Variants in CFAP52 observed in about 807,000 individuals in gnomAD.
The protein encoded by CFAP52 is cilia and flagella associated protein 52, also known as cilia- and flagella-associated protein 52.
In CFAP52, 57 loss-of-function variants were observed where a neutral mutation model predicts 70.5. The observed-to-expected ratio is 0.81, with a 90% CI of 0.65 to 1.01. The LOEUF (loss-of-function observed/expected upper bound fraction) is 1.01. CFAP52 is among the 50% of genes least tolerant of loss of function. CFAP52 has a pLI of 0.00. For synonymous variants in CFAP52, 267 were observed against 292.5 expected (o/e 0.91, Z 0.89); for missense variants, 785 against 788.5 (o/e 1.00, Z 0.05).
intron 1 of CFAP52, among the ~76,000 whole-genome samples, chr17:9,577,409 C>T (rs1908011128): frequency 6.6e-6 from 1 of 152,192 alleles, no homozygotes; most frequent in Non-Finnish European, 1.5e-5. Flanking sequence ...TTATTTGTGA[C>T]TGCCTATTGT....
chr17:9,638,686 T>C lies in CFAP52; in HGVS notation c.1550T>C (p.Ile517Thr). 1 of 1,614,098 alleles carries C rather than the reference T, an allele frequency of 6.2e-7. No homozygotes were observed. Among genetic ancestry groups the C allele is most frequent in the Non-Finnish European group, 8.5e-7 (1 of 1,180,030 alleles). Residue 517 changes from isoleucine to threonine, a missense_variant, in exon 12 of 14, where the codon ATC becomes ACC. Physicochemically the swap from Ile to Thr is moderately conservative, Grantham distance 89 (BLOSUM62 -1). Coordinates refer to ENST00000352665, the MANE Select transcript of CFAP52 (RefSeq NM_145054.5). ...TGCTATCACCCTGAGGAGTTCCAGA[T>C]CATCACCAGCGGAACAGACAGAAAG... ...CVCYHPEEFQ[I>T]ITSGTDRKIA... is the part of the protein sequence containing the mutation.
intron 6 of CFAP52, among the ~76,000 whole-genome samples, chr17:9,607,418 A>G (rs911800808): frequency 6.6e-6 from 1 of 152,244 alleles, no homozygotes; most frequent in African/African-American, 2.4e-5. Flanking sequence ...AGAACTTCAC[A>G]GTGGATACTA....
At chr17:9,603,353 C>T (rs1289800031) in intron 6 of CFAP52, among the ~76,000 whole-genome samples, 1 of 152,124 alleles carries the variant, frequency 6.6e-6, no homozygotes, top group Admixed American at 6.6e-5. Flanking sequence ...GGACTACAGG[C>T]GCCTACCACC....
intron 6 of CFAP52, among the ~76,000 whole-genome samples, chr17:9,606,441 T>C (rs1346727110): frequency 6.6e-6 from 1 of 152,100 alleles, no homozygotes; most frequent in Non-Finnish European, 1.5e-5. Context: ...TGTCAATAAA[T>C]GCTGATGTGT....
rs1298054870 is a variant in CFAP52 at position 9,629,624 on chromosome 17, T to C, written c.1174+804T>C. 1.1e-4 allele frequency among the ~76,000 whole-genome samples: 16 copies of C among 150,644 alleles called. 1 individual carries two copies. The Admixed American group carries it at 1.1e-3, about 10-fold the overall frequency. On this transcript the variant is annotated intron_variant, in intron 9 of 13. Coordinates refer to ENST00000352665, the MANE Select transcript of CFAP52 (RefSeq NM_145054.5). The stretch of plus-strand genomic sequence containing the variant: ...GTGCAATGGCGCGATCTAGGCTCAC[T>C]GCAACCTCTGCCTCCCGTGTTCAAG...
chr17:9,581,741 A>G (rs184834287), intron 1 of CFAP52, among the ~76,000 whole-genome samples: 1 of 152,192 alleles, frequency 6.6e-6, no homozygotes, highest in Non-Finnish European at 1.5e-5. Flanking sequence ...AGCTGGTTCT[A>G]TTGCTTTAGT....
chr17:9,633,735 G>A (rs934502717), intron 10 of CFAP52, among the ~76,000 whole-genome samples: 1 of 150,978 alleles, frequency 6.6e-6, no homozygotes, highest in Non-Finnish European at 1.5e-5. Context: ...GGACTGCAGT[G>A]GCACAATCTT....
chr17:9,598,521 G>C, intron 5 of CFAP52, 188 bp downstream of exon 5: 2 of 437,310 alleles, frequency 4.6e-6, no homozygotes, highest in Non-Finnish European at 4.1e-6. Context: ...CAGCATTTTG[G>C]GAGGCGGAGG....
Position 9,636,230 on chromosome 17 carries a change from AG to A in CFAP52, c.1472+675del, listed in dbSNP as rs1209883921. ...AAGAAAGAAAGAAAGAAAGAAAGAA[AG>A]AAAGAAAGAAAGAAAGAAAGAGAAA... On this transcript the variant is annotated intron_variant, in intron 11 of 13. Coordinates refer to ENST00000352665, the MANE Select transcript of CFAP52 (RefSeq NM_145054.5). Among the ~76,000 whole-genome samples the A allele has an allele frequency of 3.4e-5, 5 of 149,176 alleles. No individual in the cohort carries two copies. In the South Asian group the frequency reaches 1.1e-3, roughly 32 times the overall value.
chr17:9,599,658 TG>T (rs766916666), intron 5 of CFAP52, among the ~76,000 whole-genome samples: 2 of 152,132 alleles, frequency 1.3e-5, no homozygotes, highest in Non-Finnish European at 1.5e-5. Flanking sequence ...TAAGTCTTCA[TG>T]GGGTGCCAGA....
intron 8 of CFAP52, among the ~76,000 whole-genome samples, chr17:9,615,573 GGAAAC>G (rs1478687383): frequency 2.0e-5 from 3 of 151,658 alleles, no homozygotes; most frequent in Non-Finnish European, 4.4e-5. Flanking sequence ...CATACAACTT[GGAAAC>G]TATCTACTTT....
chr17:9,597,668 T>TG (rs1292760611), intron 4 of CFAP52: 4 of 152,372 alleles, frequency 2.6e-5, no homozygotes, highest in African/African-American at 9.7e-5. Flanking sequence ...CTGGGCGTGG[T>TG]GGCGGGCACC....
At chr17:9,600,277 T>C in intron 6 of CFAP52, 94 bp downstream of exon 6, 2 of 1,053,854 alleles carry the variant, frequency 1.9e-6, no homozygotes, top group Non-Finnish European at 2.9e-6. Context: ...AGTCTTGTTC[T>C]GTCACTCAAC....
chr17:9,642,037 G>T (rs1259238955), intron 13 of CFAP52, among the ~76,000 whole-genome samples: 1 of 152,158 alleles, frequency 6.6e-6, no homozygotes, highest in Non-Finnish European at 1.5e-5. Flanking sequence ...GGAAACATTT[G>T]CACAAGAGCC....
intron 7 of CFAP52, among the ~76,000 whole-genome samples, chr17:9,611,245 CT>C (rs34854955): frequency 0.65 from 98,494 of 150,666 alleles, 34,015 homozygotes; most frequent in Non-Finnish European, 0.76. Flanking sequence ...CATGTATATA[CT>C]TTTTTTTTTT....
At chr17:9,612,147 T>G (rs769686571) in intron 7 of CFAP52, among the ~76,000 whole-genome samples, 162 bp from the exon 8 acceptor site, 8 of 152,218 alleles carry the variant, frequency 5.3e-5, no homozygotes, top group Non-Finnish European at 7.3e-5. Flanking sequence ...TGTTCGTGGG[T>G]ACACCAACTT....
In CFAP52 at chr17:9,643,347, T is replaced by TAAAG; in HGVS notation, c.*150_*151insAAGA. On this transcript the variant is annotated 3_prime_UTR_variant, in exon 14 of 14. Transcript: ENST00000352665. ...CTTTTTCTTTATAGAATGCATTTTA[T>TAAAG]ATTCTTAAATTGCATATTAAAATTG... 1.8e-6 allele frequency: 1 copy of TAAAG among 554,068 alleles called. No individual in the cohort carries two copies. Among genetic ancestry groups the TAAAG allele is most frequent in the Non-Finnish European group, 2.8e-6 (1 of 361,432 alleles). 34.3% of individuals were successfully genotyped at this position (554,068 alleles called of 1,614,324 possible).
intron 3 of CFAP52, among the ~76,000 whole-genome samples, chr17:9,591,225 CGGG>C (rs35456032): frequency 1.3e-5 from 2 of 151,578 alleles, no homozygotes; most frequent in East Asian, 3.9e-4. Flanking sequence ...TTAGTAGAGA[CGGG>C]GGTCTCTTCA....
intron 2 of CFAP52, 51 bp from the exon 3 acceptor site, chr17:9,586,647 C>T (rs772461992): frequency 6.5e-7 from 1 of 1,541,342 alleles, no homozygotes; most frequent in South Asian, 1.3e-5. Flanking sequence ...GCTATCTCCT[C>T]AGATGCTTTT....
Sources: allele counts gnomAD v4.1 joint callset (sites outside exome capture counted in the v4.1 genomes callset), GRCh38; gene constraint gnomAD v4.1.1; transcripts MANE v1.5; gene names NCBI Gene and HGNC (gene_info 2026-07-23, HGNC 2026-07-21).